ITPKB: variants seen among roughly 807,000 people sequenced by gnomAD.
The protein encoded by ITPKB is inositol-trisphosphate 3-kinase B.
ITPKB carries 13 observed loss-of-function variants against 69.4 expected under a neutral mutation model. The observed-to-expected ratio is 0.19, with a 90% CI of 0.12 to 0.30. The LOEUF is 0.30. Among genes scored for constraint, ITPKB ranks in the 10% least tolerant of loss-of-function variants. The probability of loss-of-function intolerance (pLI) is 1.00; values close to 1 mark genes in which losing one functional copy is unlikely to be tolerated. For missense variants in ITPKB, 1,240 were observed against 1,250.5 expected, an observed-to-expected ratio of 0.99 and a Z score of 0.13; for synonymous variants, 584 against 513.7, an observed-to-expected ratio of 1.14 and a Z score of -1.85.
chr1:226,728,575 G>A (rs1446950610), intron 2 of ITPKB, among the ~76,000 whole-genome samples: 1 of 152,182 alleles, frequency 6.6e-6, no homozygotes, highest in African/African-American at 2.4e-5. Flanking sequence ...CCTTGAGGCT[G>A]GTGTGCAGTG....
chr1:226,650,272 G>A (rs1669160574), intron 2 of ITPKB, among the ~76,000 whole-genome samples: 1 of 152,190 alleles, frequency 6.6e-6, no homozygotes, highest in African/African-American at 2.4e-5. Flanking sequence ...TCTATTTAAG[G>A]AGAGGAATTC....
chr1:226,707,009 G>A (rs1469642865), intron 2 of ITPKB, among the ~76,000 whole-genome samples: 1 of 151,980 alleles, frequency 6.6e-6, no homozygotes, highest in Non-Finnish European at 1.5e-5. Flanking sequence ...AATCCTCTAG[G>A]GACTCATCAC....
intron 2 of ITPKB, among the ~76,000 whole-genome samples, chr1:226,691,240 A>G (rs1312874321): frequency 6.6e-6 from 1 of 152,050 alleles, no homozygotes; most frequent in Non-Finnish European, 1.5e-5. Flanking sequence ...CCACATTTAA[A>G]AAAAAAAAAA....
At chr1:226,647,513 A>G (rs1144835) in intron 3 of ITPKB, 133 bp from the exon 4 acceptor site, 329,507 of 659,288 alleles carry the variant, frequency 0.5, 89,303 homozygotes, top group African/African-American at 0.88. Context: ...TGTCCCTGCT[A>G]TGGACTGAGC....
At position 226,647,324 on chromosome 1, in the gene ITPKB, G is replaced by A; in HGVS notation, c.2089C>T (p.Gln697Ter). The change falls in exon 4 of 8, where the codon CAG (glutamine) becomes TAG (stop). Residue 697 changes from glutamine (Q) to a stop codon, truncating the protein, a stop_gained. Coordinates refer to ENST00000429204, the MANE Select transcript of ITPKB (RefSeq NM_002221.4). LOFTEE classifies it high-confidence loss of function. ...ACCATCAGCCGGTCCAGGCAGCGCT[G>A]CTCTGACTCACAGTGCTTCTTCAGG... Reference protein sequence around the residue: ...RILKKHCESEQRCLDRLMVDV... With the variant: ...RILKKHCESE 6.2e-7 allele frequency: 1 copy of A among 1,614,176 alleles called. No individual in the cohort carries two copies. Among genetic ancestry groups the A allele is most frequent in the Non-Finnish European group, 8.5e-7 (1 of 1,180,002 alleles).
Position 226,659,354 on chromosome 1 carries a change from C to A in ITPKB, c.1933-10583G>T, listed in dbSNP as rs368711422. On this transcript the variant is annotated intron_variant, in intron 2 of 7. Coordinates refer to ENST00000429204, the MANE Select transcript of ITPKB (RefSeq NM_002221.4). Reference sequence around the variant, plus strand: ...GCCTCACCAAGGCTCCCTGACCACCCATAAGAGGGAGCAGGGTCCCTCCGG... The same window carrying A: ...GCCTCACCAAGGCTCCCTGACCACCAATAAGAGGGAGCAGGGTCCCTCCGG... Among the ~76,000 whole-genome samples the A allele has an allele frequency of 1.6e-3, 239 of 152,194 alleles. 1 individual carries two copies. In the Middle Eastern group the frequency reaches 0.031, roughly 19 times the overall value.
rs1426686804 is a variant in ITPKB, at chr1:226,735,450, G to A, written c.1932+77C>T. 6 of 1,412,064 alleles carry A rather than the reference G, an allele frequency of 4.2e-6. No homozygotes were observed. In the African/African-American group the frequency reaches 5.8e-5, roughly 14 times the overall value. The allele number at this position is 1,412,064 out of a possible 1,614,324, so 87.5% of individuals were successfully genotyped here. A position where few individuals can be genotyped will look rare whatever the true frequency, so the allele number is the denominator to read the frequency against. ...TTTTCATGACTGTGTAGAAAGTTAAGAAAAAGGGATGCATAGGGCATCAAA... is the reference window on the plus strand; with the variant it reads ...TTTTCATGACTGTGTAGAAAGTTAAAAAAAAGGGATGCATAGGGCATCAAA... On this transcript the variant is annotated intron_variant, in intron 2 of 7. Coordinates refer to ENST00000429204, the MANE Select transcript of ITPKB (RefSeq NM_002221.4).
At chr1:226,649,356 ATGTGCATG>A (rs766857019) in intron 2 of ITPKB, among the ~76,000 whole-genome samples, 8 of 80,904 alleles carry the variant, frequency 9.9e-5, no homozygotes, top group African/African-American at 3.9e-4. Flanking sequence ...TATGTGATAT[ATGTGCATG>A]TGTGCATGTG....
At chr1:226,663,932 A>G (rs1437341549) in intron 2 of ITPKB, among the ~76,000 whole-genome samples, 1 of 152,230 alleles carries the variant, frequency 6.6e-6, no homozygotes, top group African/African-American at 2.4e-5. Context: ...CCTATGAGAC[A>G]GGCAAAGAAG....
intron 7 of ITPKB, among the ~76,000 whole-genome samples, chr1:226,636,791 TGTGA>T (rs60188249): frequency 0.04 from 5,674 of 142,408 alleles, 337 homozygotes; most frequent in African/African-American, 0.13. Context: ...TGTGTGTGTG[TGTGA>T]GACTGGGAAA....
intron 2 of ITPKB, among the ~76,000 whole-genome samples, chr1:226,675,530 A>G (rs1490457173): frequency 6.6e-6 from 1 of 152,138 alleles, no homozygotes; most frequent in Non-Finnish European, 1.5e-5. Flanking sequence ...GGAAGGGGAA[A>G]ATGGCAGGAT....
chr1:226,722,982 A>G (rs1455653253), intron 2 of ITPKB, among the ~76,000 whole-genome samples: 1 of 150,776 alleles, frequency 6.6e-6, no homozygotes, highest in Non-Finnish European at 1.5e-5. Context: ...AGAGAGTTCC[A>G]TTTCACACAT....
intron 2 of ITPKB, among the ~76,000 whole-genome samples, chr1:226,732,046 G>C (rs1211490460): frequency 7.3e-6 from 1 of 137,324 alleles, no homozygotes; most frequent in Non-Finnish European, 1.5e-5. Context: ...TTTTTACTAT[G>C]TGTATGAGTT....
At position 226,685,118 on chromosome 1, in the gene ITPKB, C is replaced by T. The variant is rs75096940; in HGVS notation, c.1933-36347G>A. On this transcript the variant is annotated intron_variant, in intron 2 of 7. Coordinates refer to ENST00000429204, the MANE Select transcript of ITPKB (RefSeq NM_002221.4). ...CCCCAAGAGGGAAACAGCCCTTCAA[C>T]GGGAACAACACAGTAAGAGATTCAT... Among the ~76,000 whole-genome samples the T allele has an allele frequency of 7.1e-3, 1,082 of 152,322 alleles. 6 individuals are homozygous for T. Among genetic ancestry groups the T allele is most frequent in the South Asian group, 0.021 (103 of 4,830 alleles).
chr1:226,696,328 T>C (rs1216033332), intron 2 of ITPKB, among the ~76,000 whole-genome samples: 2 of 152,086 alleles, frequency 1.3e-5, no homozygotes. Flanking sequence ...CGTGTGTGTG[T>C]GTGTGTGTGT....
intron 2 of ITPKB, among the ~76,000 whole-genome samples, chr1:226,670,870 ATCGTAGGGTTATGATG>A (rs1419105863): frequency 7.2e-5 from 11 of 152,346 alleles, no homozygotes; most frequent in African/African-American, 2.4e-4. Context: ...CATCATTATG[ATCGTAGGGTTATGATG>A]ATACCTATTC....
At chr1:226,666,281 G>T (rs1414166255) in intron 2 of ITPKB, among the ~76,000 whole-genome samples, 1 of 152,226 alleles carries the variant, frequency 6.6e-6, no homozygotes, top group Non-Finnish European at 1.5e-5. Flanking sequence ...ATCAGGGCAA[G>T]ACTCAGCAAG....
chr1:226,639,584 C>T lies in ITPKB; in HGVS notation c.2526G>A (p.Glu842=). Residue 842 remains glutamate, a synonymous_variant, in exon 6 of 8, where the codon GAG becomes GAA. Coordinates refer to ENST00000429204, the MANE Select transcript of ITPKB (RefSeq NM_002221.4). ...GGATGTTATGGTTTCCTTTAGTGAA[C>T]TCTCTGAAGGCCTCGGTGACCTGCT... is the stretch of plus-strand genomic sequence containing the variant. ...TREQVTEAFR[E]FTKGNHNILI... is the part of the protein sequence containing the mutation. 3 of 1,612,694 alleles carry T rather than the reference C, an allele frequency of 1.9e-6. No individual in the cohort carries two copies. Among genetic ancestry groups the T allele is most frequent in the Non-Finnish European group, 2.5e-6 (3 of 1,178,670 alleles).
intron 3 of ITPKB, among the ~76,000 whole-genome samples, chr1:226,648,132 C>T (rs1386159318): frequency 1.3e-5 from 2 of 152,220 alleles, no homozygotes; most frequent in South Asian, 2.1e-4. Flanking sequence ...CTCCTAGCCA[C>T]CTTCCTCCCA....
Sources: gnomAD v4.1 joint callset for allele counts (sites outside exome capture counted in the v4.1 genomes callset) on GRCh38, gnomAD v4.1.1 for gene constraint, MANE v1.5 for transcripts, NCBI Gene and HGNC (gene_info 2026-07-23, HGNC 2026-07-21) for gene names.